Variants in IGSF10 observed in about 807,000 individuals in gnomAD.
The protein encoded by IGSF10 is immunoglobulin superfamily member 10.
Under a neutral mutation model 128.2 loss-of-function variants are expected in IGSF10, and 126 were observed. The ratio of observed to expected loss-of-function variants is 0.98; its 90% CI spans 0.85 to 1.14. The LOEUF (loss-of-function observed/expected upper bound fraction) is 1.14, where lower values mean the gene tolerates loss of function less well. IGSF10 is among the 50% of genes most tolerant of loss of function. IGSF10 has a pLI of 0.00. For synonymous variants in IGSF10, 1,185 were observed against 1,146.2 expected, an observed-to-expected ratio of 1.03 and a Z score of -0.68; for missense variants, 3,295 against 3,149.8, an observed-to-expected ratio of 1.05 and a Z score of -1.10.
At position 151,447,112 on chromosome 3, in the gene IGSF10, A is replaced by G. The variant is rs2108552689; in HGVS notation, c.2869T>C (p.Ser957Pro). The G allele has an allele frequency of 1.9e-6, 3 of 1,614,208 alleles. No homozygotes were observed. The highest frequency in any genetic ancestry group is 2.5e-6 in the Non-Finnish European group (3 of 1,180,028). Reference protein sequence around the residue: ...SVNTTNSHQTSVREVSEPRHN... With the variant: ...SVNTTNSHQTPVREVSEPRHN... ...CTGGGTTCACTCACTTCTCTTACAG[A>G]TGTCTGATGACTATTTGTGGTATTT... Residue 957 changes from serine to proline, a missense_variant, in exon 6 of 8, where the codon TCT becomes CCT. By Grantham distance (74) the Ser-to-Pro change is moderately conservative. Transcript: ENST00000282466.
chr3:151,564,101 T>C, the IGSF10 span, among the ~76,000 whole-genome samples: 5 of 152,230 alleles, frequency 3.3e-5, no homozygotes, highest in Non-Finnish European at 7.3e-5. Flanking sequence ...TCATAGAAGA[T>C]GATCATCATC....
At chr3:151,485,966 G>A in the IGSF10 span, among the ~76,000 whole-genome samples, 30 of 39,250 alleles carry the variant, frequency 7.6e-4, no homozygotes, top group African/African-American at 4.6e-3. Context: ...AATCTTAAAT[G>A]TAAATGGCTA....
At chr3:151,523,174 A>G in the IGSF10 span, among the ~76,000 whole-genome samples, 1 of 152,156 alleles carries the variant, frequency 6.6e-6, no homozygotes, top group African/African-American at 2.4e-5. Flanking sequence ...AGATGACACA[A>G]ACTAATGGAA....
At chr3:151,468,158 G>C in the IGSF10 span, among the ~76,000 whole-genome samples, 3 of 152,148 alleles carry the variant, frequency 2.0e-5, no homozygotes, top group African/African-American at 7.2e-5. Context: ...CCTGAACTTA[G>C]AAGTTTAATT....
At chr3:151,529,589 A>G in the IGSF10 span, among the ~76,000 whole-genome samples, 1 of 152,192 alleles carries the variant, frequency 6.6e-6, no homozygotes, top group Admixed American at 6.5e-5. Context: ...ACCTCTAGCA[A>G]ACTACAGCAG....
At chr3:151,573,688 C>T in the IGSF10 span, among the ~76,000 whole-genome samples, 23 of 152,150 alleles carry the variant, frequency 1.5e-4, no homozygotes, top group African/African-American at 4.8e-4. Context: ...ATCCAATTTG[C>T]CAGTCTGTGT....
In IGSF10 at chr3:151,449,084, A is replaced by G. The variant is rs571006161; in HGVS notation, c.897T>C (p.Ser299=). Residue 299 remains serine, a synonymous_variant, in exon 6 of 8, where the codon AGT becomes AGC. Transcript: ENST00000282466. ...CTTGGGGAGAGATGAAAGCAGAACT[A>G]CTGTCTTCCAGAATAGTCAGGCTCT... ...KSKSLTILED[S]SSAFISPQGF... 1.1e-5 allele frequency: 17 copies of G among 1,614,182 alleles called. No individual in the cohort carries two copies. In the African/African-American group the frequency reaches 2.1e-4, roughly 20 times the overall value.
chr3:151,457,575 G>A (rs539948883), intron 3 of IGSF10, among the ~76,000 whole-genome samples: 59 of 152,292 alleles, frequency 3.9e-4, no homozygotes, highest in East Asian at 2.7e-3. Context: ...TGGAGGCCAG[G>A]CTTGGGCGTC....
chr3:151,541,694 T>C, the IGSF10 span, among the ~76,000 whole-genome samples: 2 of 152,218 alleles, frequency 1.3e-5, no homozygotes, highest in African/African-American at 2.4e-5. Flanking sequence ...TACCTCCTCA[T>C]GTCTTATGAA....
chr3:151,440,627 G>A (rs965279799), intron 7 of IGSF10: 1 of 456,634 alleles, frequency 2.2e-6, no homozygotes, highest in Non-Finnish European at 4.4e-6. Context: ...ATGCTATACT[G>A]GCATTCTTTC....
the IGSF10 span, among the ~76,000 whole-genome samples, chr3:151,503,967 A>G: frequency 6.6e-6 from 1 of 152,100 alleles, no homozygotes; most frequent in Non-Finnish European, 1.5e-5. Context: ...AAGGGTCTCA[A>G]AATATATCAA....
chr3:151,482,046 TAATTCCCTATGAA>T, the IGSF10 span, among the ~76,000 whole-genome samples: 1 of 152,112 alleles, frequency 6.6e-6, no homozygotes, highest in Non-Finnish European at 1.5e-5. Flanking sequence ...CAGATAAAAG[TAATTCCCTATGAA>T]AGCCAATCAA....
intron 5 of IGSF10, 150 bp downstream of exon 5, chr3:151,453,234 G>A: frequency 3.1e-6 from 2 of 652,446 alleles, no homozygotes. Flanking sequence ...CACAGCCATA[G>A]ATGATGTGTA....
the IGSF10 span, among the ~76,000 whole-genome samples, chr3:151,599,135 G>T: frequency 1.3e-5 from 2 of 152,152 alleles, no homozygotes; most frequent in African/African-American, 4.8e-5. Context: ...GGGAGCCGTC[G>T]AGTGGAAAAG....
At chr3:151,477,780 G>A in the IGSF10 span, among the ~76,000 whole-genome samples, 1 of 152,128 alleles carries the variant, frequency 6.6e-6, no homozygotes, top group Non-Finnish European at 1.5e-5. Context: ...CAAACTTTCT[G>A]CAAAGGACCA....
At chr3:151,612,353 T>C in the IGSF10 span, among the ~76,000 whole-genome samples, 1 of 152,318 alleles carries the variant, frequency 6.6e-6, no homozygotes, top group East Asian at 1.9e-4. Context: ...GTTCTAATCA[T>C]AAAGGACGTC....
rs371674643 is a variant in IGSF10, at chr3:151,446,609, G to A, written c.3372C>T (p.Pro1124=). 54 of 1,613,962 alleles carry A rather than the reference G, an allele frequency of 3.3e-5. No homozygotes were observed. Among genetic ancestry groups the A allele is most frequent in the Non-Finnish European group, 4.4e-5 (52 of 1,180,022 alleles). Residue 1124 remains proline (P), a synonymous_variant, in exon 6 of 8, where the codon CCC becomes CCT. Transcript: ENST00000282466. ...TTTCAGTCCTGAAATATTTTATTGT[G>A]GGTGTTGTTTTCTCTACACTGGGTT... ...ENKPSVEKTT[P]TIKYFRTEIS...
the IGSF10 span, among the ~76,000 whole-genome samples, chr3:151,576,084 G>T: frequency 6.6e-6 from 1 of 151,866 alleles, no homozygotes; most frequent in African/African-American, 2.4e-5. Flanking sequence ...ATGTGTGCGT[G>T]TTGGTCTATT....
At chr3:151,476,493 C>A in the IGSF10 span, among the ~76,000 whole-genome samples, 1 of 152,150 alleles carries the variant, frequency 6.6e-6, no homozygotes, top group Non-Finnish European at 1.5e-5. Context: ...CCCGGATGGC[C>A]TCTTTCTCGA....
Sources: gnomAD v4.1 joint callset for allele counts (sites outside exome capture counted in the v4.1 genomes callset) on GRCh38, gnomAD v4.1.1 for gene constraint, MANE v1.5 for transcripts, NCBI Gene and HGNC (gene_info 2026-07-23, HGNC 2026-07-21) for gene names.